Variants in SLC25A21 observed in about 807,000 individuals in gnomAD.
The protein encoded by SLC25A21 is mitochondrial 2-oxodicarboxylate carrier.
SLC25A21 carries 47 observed loss-of-function variants against 43.8 expected under a neutral mutation model. The ratio of observed to expected loss-of-function variants is 1.07; its 90% CI spans 0.85 to 1.37. The LOEUF is 1.37. Ranked by LOEUF, SLC25A21 falls within the 40% of genes most tolerant of loss-of-function variation. The pLI, the probability that SLC25A21 is intolerant of heterozygous loss-of-function variation, is 0.00. For missense variants in SLC25A21, 352 were observed against 350.2 expected (o/e 1.00, Z -0.04); for synonymous variants, 131 against 121.3 (o/e 1.08, Z -0.52).
intron 1 of SLC25A21, among the ~76,000 whole-genome samples, chr14:36,980,104 C>T (rs1468629140): frequency 6.6e-6 from 1 of 152,218 alleles, no homozygotes; most frequent in African/African-American, 2.4e-5. Context: ...TGGGTGTACA[C>T]AATGACAGTT....
Position 36,747,033 on chromosome 14 carries a change from A to G in SLC25A21, c.204-12460T>C, listed in dbSNP as rs558954776. On this transcript the variant is annotated intron_variant, in intron 3 of 9. Coordinates refer to ENST00000331299, the MANE Select transcript of SLC25A21 (RefSeq NM_030631.4). ...CACACACTCTTATACATATACATCT[A>G]TATGTATACATCAACAAATATATAT... is the stretch of plus-strand genomic sequence containing the variant. Among the ~76,000 whole-genome samples the G allele has an allele frequency of 2.3e-4, 35 of 152,306 alleles. 2 individuals carry two copies. The South Asian group carries it at 6.6e-3, about 29-fold the overall frequency.
At chr14:36,741,405 A>T (rs1239145653) in intron 3 of SLC25A21, among the ~76,000 whole-genome samples, 3 of 152,196 alleles carry the variant, frequency 2.0e-5, no homozygotes, top group Non-Finnish European at 2.9e-5. Flanking sequence ...CTAAACTGAT[A>T]CATTAAAGAG....
chr14:36,846,595 T>A (rs1889551825), intron 2 of SLC25A21, among the ~76,000 whole-genome samples: 2 of 152,172 alleles, frequency 1.3e-5, no homozygotes, highest in African/African-American at 4.8e-5. Context: ...TTGGCCAGGC[T>A]GGTCTTGAAC....
At chr14:36,807,775 A>C (rs17105396) in intron 3 of SLC25A21, among the ~76,000 whole-genome samples, 6,638 of 152,258 alleles carry the variant, frequency 0.044, 501 homozygotes, top group African/African-American at 0.15. Context: ...TGTGGGCATC[A>C]CACTTCCTTT....
At chr14:37,074,680 A>G (rs1962243485) in intron 1 of SLC25A21, among the ~76,000 whole-genome samples, 1 of 152,028 alleles carries the variant, frequency 6.6e-6, no homozygotes, top group South Asian at 2.1e-4. Flanking sequence ...AAAAATACAA[A>G]AAGTTAGCCA....
At chr14:36,827,753 G>A (rs1409330416) in intron 2 of SLC25A21, among the ~76,000 whole-genome samples, 1 of 151,980 alleles carries the variant, frequency 6.6e-6, no homozygotes, top group African/African-American at 2.4e-5. Flanking sequence ...AAAATAACAT[G>A]GTGTATACAA....
chr14:36,714,107 C>T (rs578002348), intron 6 of SLC25A21, among the ~76,000 whole-genome samples: 8 of 152,334 alleles, frequency 5.3e-5, no homozygotes, highest in South Asian at 2.1e-4. Context: ...TTAGTCCATT[C>T]TAAGCATTCA....
Position 37,099,642 on chromosome 14 carries a change from C to T in SLC25A21, c.70+72639G>A, listed in dbSNP as rs557407844. On this transcript the variant is annotated intron_variant, in intron 1 of 9. Coordinates refer to ENST00000331299, the MANE Select transcript of SLC25A21 (RefSeq NM_030631.4). ...GTAAGAAAGTGTTTGTTCTAATACA[C>T]GTTTACTTTCTTTTATTTATAGAAT... 1.1e-4 allele frequency among the ~76,000 whole-genome samples: 17 copies of T among 152,110 alleles called. 1 individual carries two copies. Among genetic ancestry groups the T allele is most frequent in the South Asian group, 4.2e-4 (2 of 4,814 alleles).
chr14:36,801,038 A>C (rs1171568026), intron 3 of SLC25A21, among the ~76,000 whole-genome samples: 2 of 152,108 alleles, frequency 1.3e-5, no homozygotes, highest in Non-Finnish European at 2.9e-5. Context: ...GGGAGAATTT[A>C]CTTATGCTTT....
chr14:36,769,531 A>C (rs1417990760), intron 3 of SLC25A21, among the ~76,000 whole-genome samples: 1 of 152,228 alleles, frequency 6.6e-6, no homozygotes, highest in Admixed American at 6.5e-5. Context: ...AAAATCCCTA[A>C]AAATCCCGAG....
At chr14:36,907,144 C>T (rs994532540) in intron 1 of SLC25A21, among the ~76,000 whole-genome samples, 3 of 151,962 alleles carry the variant, frequency 2.0e-5, no homozygotes, top group Non-Finnish European at 2.9e-5. Flanking sequence ...ATGGAGGACA[C>T]CAAAATCAAT....
At chr14:37,112,057 A>T (rs963632759) in intron 1 of SLC25A21, among the ~76,000 whole-genome samples, 1 of 152,080 alleles carries the variant, frequency 6.6e-6, no homozygotes, top group Middle Eastern at 3.2e-3. Context: ...TGCCTTCATG[A>T]AGCTTATATT....
In SLC25A21 at chr14:36,729,501, A is replaced by T. The variant is rs150420431; in HGVS notation, c.330+6T>A. On this transcript the variant is annotated splice_donor_region_variant and intron_variant, in intron 5 of 9. Transcript: ENST00000331299. Reference sequence around the variant, plus strand: ...ACATTTAAGTATAATAAATACTCTCACTTACCAATGCTGGTGACAGTGACA... The same window carrying T: ...ACATTTAAGTATAATAAATACTCTCTCTTACCAATGCTGGTGACAGTGACA... 4.6e-4 allele frequency: 741 copies of T among 1,597,818 alleles called. 2 individuals carry two copies. In the African/African-American group the frequency reaches 9.0e-3, roughly 19 times the overall value.
chr14:37,034,545 A>G (rs1961286873), intron 1 of SLC25A21, among the ~76,000 whole-genome samples: 1 of 152,150 alleles, frequency 6.6e-6, no homozygotes, highest in South Asian at 2.1e-4. Flanking sequence ...CCCTGGGCTC[A>G]TTAAATTTCT....
At chr14:37,149,611 C>T (rs1041602654) in intron 1 of SLC25A21, among the ~76,000 whole-genome samples, 1 of 152,116 alleles carries the variant, frequency 6.6e-6, no homozygotes, top group African/African-American at 2.4e-5. Flanking sequence ...AGCAGAATCG[C>T]TTAAACCGGG....
chr14:36,926,369 TAGAC>T (rs1185421735), intron 1 of SLC25A21, among the ~76,000 whole-genome samples: 1 of 152,096 alleles, frequency 6.6e-6, no homozygotes, highest in Non-Finnish European at 1.5e-5. Context: ...AACAATTCTT[TAGAC>T]AGGTCACAAG....
At chr14:36,885,171 T>C (rs544480053) in intron 1 of SLC25A21, among the ~76,000 whole-genome samples, 3 of 152,350 alleles carry the variant, frequency 2.0e-5, no homozygotes, top group African/African-American at 7.2e-5. Flanking sequence ...AATTTCACTG[T>C]TCTGCACGTG....
In SLC25A21 at chr14:37,055,989, T is replaced by A. The variant is rs114112577; in HGVS notation, c.70+116292A>T. Among the ~76,000 whole-genome samples, 1,387 of 152,146 alleles carry A rather than the reference T, an allele frequency of 9.1e-3. 18 individuals are homozygous for A. Among genetic ancestry groups the A allele is most frequent in the African/African-American group, 0.032 (1,321 of 41,522 alleles). ...GGTGGTTTTTAAAGGTTTAGCACCA[T>A]CTACCTAGTGCAGTCTCATGATAGA... On this transcript the variant is annotated intron_variant, in intron 1 of 9. Coordinates refer to ENST00000331299, the MANE Select transcript of SLC25A21 (RefSeq NM_030631.4).
intron 3 of SLC25A21, among the ~76,000 whole-genome samples, chr14:36,765,895 C>G (rs1204687360): frequency 3.3e-5 from 5 of 152,182 alleles, no homozygotes; most frequent in Non-Finnish European, 7.3e-5. Context: ...CCTATCTGGA[C>G]TGCCCACTGA....
Sources: gnomAD v4.1 joint callset for allele counts (sites outside exome capture counted in the v4.1 genomes callset) on GRCh38, gnomAD v4.1.1 for gene constraint, MANE v1.5 for transcripts, NCBI Gene and HGNC (gene_info 2026-07-23, HGNC 2026-07-21) for gene names.